DEF6: variants seen among roughly 807,000 people sequenced by gnomAD.
DEF6 encodes the protein differentially expressed in FDCP 6 homolog.
DEF6 carries 32 observed loss-of-function variants against 80.5 expected under a neutral mutation model. The ratio of observed to expected loss-of-function variants is 0.40; its 90% CI spans 0.30 to 0.53. The LOEUF is 0.53. Among genes scored for constraint, DEF6 ranks in the 20% least tolerant of loss-of-function variants. The pLI, the probability that DEF6 is intolerant of heterozygous loss-of-function variation, is 0.57. For synonymous variants in DEF6, 300 were observed against 337.9 expected, an observed-to-expected ratio of 0.89 and a Z score of 1.23; for missense variants, 575 against 818.7, an observed-to-expected ratio of 0.70 and a Z score of 3.63.
chr6:35,312,825 G>A lies in DEF6; in HGVS notation c.807+53G>A. ...ATCTCAGGGCCCAGAGTGTCCTCAG[G>A]GGCATGAGAAGACAAGGGGGTCAGG... On this transcript the variant is annotated intron_variant, in intron 5 of 10. Transcript: ENST00000316637. The surrounding 1 kb of genome is among the most constrained non-coding windows in gnomAD (Gnocchi z 6.6). The A allele has an allele frequency of 6.4e-7, 1 of 1,569,860 alleles. No individual in the cohort carries two copies. Among genetic ancestry groups the A allele is most frequent in the South Asian group, 1.2e-5 (1 of 86,504 alleles).
At position 35,312,256 on chromosome 6, in the gene DEF6, C is replaced by A; in HGVS notation, c.424-46C>A. The A allele has an allele frequency of 6.4e-7, 1 of 1,561,716 alleles. No homozygotes were observed. Among genetic ancestry groups the A allele is most frequent in the Non-Finnish European group, 8.8e-7 (1 of 1,137,808 alleles). On this transcript the variant is annotated intron_variant, in intron 3 of 10. Transcript: ENST00000316637. This position sits in a 1 kb window ranked among gnomAD's most constrained non-coding sequence, Gnocchi z 6.6. ...GAGCACTCCCTGGTGTTGGTGCTGGCAACACCACCTGCTGCAGCTACCAGG... is the reference window on the plus strand; with the variant it reads ...GAGCACTCCCTGGTGTTGGTGCTGGAAACACCACCTGCTGCAGCTACCAGG...
chr6:35,321,164 C>T (rs752099059), intron 10 of DEF6, 23 bp from the exon 11 acceptor site: 1 of 1,609,768 alleles, frequency 6.2e-7, no homozygotes, highest in Non-Finnish European at 8.5e-7. Context: ...TTTCTCCTTA[C>T]TTGCCTGCCT....
chr6:35,304,766 T>C (rs1791368574), intron 1 of DEF6, among the ~76,000 whole-genome samples: 1 of 152,010 alleles, frequency 6.6e-6, no homozygotes. Context: ...TCAAGGAATG[T>C]AGAACACCCA....
chr6:35,308,722 TAAAATAAATA>T lies in DEF6; in HGVS notation c.97-944_97-935del, dbSNP rs1254495903. Among the ~76,000 whole-genome samples the T allele has an allele frequency of 3.8e-3, 537 of 141,868 alleles. 2 individuals are homozygous for T. Among genetic ancestry groups the T allele is most frequent in the Non-Finnish European group, 6.4e-3 (416 of 64,658 alleles). The allele number at this position is 141,868 out of a possible 152,430, so 93.1% of individuals were successfully genotyped here. On this transcript the variant is annotated intron_variant, in intron 1 of 10. Coordinates refer to ENST00000316637, the MANE Select transcript of DEF6 (RefSeq NM_022047.4). ...TAAAATAAAATAAAATAAAATAAAA[TAAAATAAATA>T]AAATAATAAAATAAAATAAAATAAA...
intron 1 of DEF6, among the ~76,000 whole-genome samples, chr6:35,300,405 T>A (rs1204944398): frequency 6.6e-6 from 1 of 152,144 alleles, no homozygotes; most frequent in Non-Finnish European, 1.5e-5. Context: ...GGGCAAGATG[T>A]GTCGGTGCGT....
At chr6:35,317,737 A>C in intron 5 of DEF6, 154 bp from the exon 6 acceptor site, 1 of 592,492 alleles carries the variant, frequency 1.7e-6, no homozygotes, top group Admixed American at 3.1e-5. Context: ...AGTCCCCCAT[A>C]ACTTATGATG....
intron 9 of DEF6, among the ~76,000 whole-genome samples, chr6:35,320,636 G>C (rs191791279): frequency 4.6e-4 from 70 of 152,298 alleles, no homozygotes; most frequent in African/African-American, 1.6e-3. Context: ...GCACATCTTA[G>C]CTGCTCAATA....
At chr6:35,300,222 T>A (rs1791296801) in intron 1 of DEF6, among the ~76,000 whole-genome samples, 1 of 152,128 alleles carries the variant, frequency 6.6e-6, no homozygotes, top group Non-Finnish European at 1.5e-5. Context: ...AGCCTGAGTC[T>A]CATTATGTTG....
intron 5 of DEF6, among the ~76,000 whole-genome samples, chr6:35,317,215 C>T (rs764604355): frequency 1.3e-5 from 2 of 152,196 alleles, no homozygotes; most frequent in African/African-American, 2.4e-5. Context: ...CACGGATCTA[C>T]GCAGAAGTCC....
chr6:35,302,389 C>A (rs1227972596), intron 1 of DEF6, among the ~76,000 whole-genome samples: 2 of 151,972 alleles, frequency 1.3e-5, no homozygotes, highest in African/African-American at 4.8e-5. Flanking sequence ...GGAGAGAATT[C>A]TTTCTGAAAT....
intron 1 of DEF6, among the ~76,000 whole-genome samples, chr6:35,300,232 G>T (rs943414771): frequency 1.3e-5 from 2 of 152,036 alleles, no homozygotes; most frequent in Admixed American, 6.5e-5. Context: ...TCATTATGTT[G>T]CCCCGGCTGG....
At chr6:35,308,722 TAAAATAAATAAA>T (rs1254495903) in intron 1 of DEF6, among the ~76,000 whole-genome samples, 1 of 141,978 alleles carries the variant, frequency 7.0e-6, no homozygotes, top group Non-Finnish European at 1.5e-5. Context: ...TAAAATAAAA[TAAAATAAATAAA>T]ATAATAAAAT....
intron 3 of DEF6, among the ~76,000 whole-genome samples, chr6:35,311,354 G>A (rs1207399596): frequency 6.6e-6 from 1 of 152,048 alleles, no homozygotes; most frequent in Non-Finnish European, 1.5e-5. Context: ...AGGAGAGGGG[G>A]CTTCTGTACT....
intron 1 of DEF6, among the ~76,000 whole-genome samples, chr6:35,303,776 C>G (rs1337806676): frequency 6.6e-6 from 1 of 151,990 alleles, no homozygotes; most frequent in Admixed American, 6.5e-5. Flanking sequence ...GCGGGTGGAT[C>G]GCTTCAGCCC....
At position 35,318,651 on chromosome 6, in the gene DEF6, T is replaced by C. The variant is rs765437087; in HGVS notation, c.1215+180T>C. On this transcript the variant is annotated intron_variant, in intron 7 of 10. Transcript: ENST00000316637. The surrounding 1 kb of genome is among the most constrained non-coding windows in gnomAD (Gnocchi z 5.1). ...AGTCCGCGGGTTTGAAAAAGAGATT[T>C]GGGATGGGGCTTCCGCCAGGGACAG... Among the ~76,000 whole-genome samples, 5 of 151,198 alleles carry C rather than the reference T, an allele frequency of 3.3e-5. No individual in the cohort carries two copies. The highest frequency in any genetic ancestry group is 6.6e-5 in the Admixed American group (1 of 15,208).
intron 1 of DEF6, among the ~76,000 whole-genome samples, chr6:35,306,531 A>C (rs1791392547): frequency 6.6e-6 from 1 of 151,938 alleles, no homozygotes; most frequent in African/African-American, 2.4e-5. Context: ...AAAAAGATGA[A>C]AGTTTCTCCC....
chr6:35,303,591 T>C (rs564047928), intron 1 of DEF6, among the ~76,000 whole-genome samples: 1 of 152,242 alleles, frequency 6.6e-6, no homozygotes, highest in Admixed American at 6.5e-5. Context: ...AGGCAGATAA[T>C]AAACTAAATG....
In DEF6 at chr6:35,321,247, GTGA is replaced by G; in HGVS notation, c.1734_1736del (p.Asp579del). 1 of 1,613,414 alleles carries G rather than the reference GTGA, an allele frequency of 6.2e-7. No individual in the cohort carries two copies. Among genetic ancestry groups the G allele is most frequent in the South Asian group, 1.1e-5 (1 of 91,034 alleles). On this transcript the variant is annotated inframe_deletion, in exon 11 of 11. Coordinates refer to ENST00000316637, the MANE Select transcript of DEF6 (RefSeq NM_022047.4). ...TTCCAGCCCCCTCTGCTTGCCCACC[GTGA>G]CTCCTCCCTAAAGCGCCTGACCCGC...
chr6:35,311,727 T>C (rs1221597307), intron 3 of DEF6, among the ~76,000 whole-genome samples: 1 of 152,228 alleles, frequency 6.6e-6, no homozygotes, highest in African/African-American at 2.4e-5. Context: ...ACAGGTTTCC[T>C]GTCCCTGCCC....
Sources: gnomAD v4.1 joint callset for allele counts (sites outside exome capture counted in the v4.1 genomes callset) on GRCh38, gnomAD v4.1.1 for gene constraint, Gnocchi (gnomAD v3.1) non-coding constraint, MANE v1.5 for transcripts, NCBI Gene and HGNC (gene_info 2026-07-23, HGNC 2026-07-21) for gene names.